CLDND1: variants seen among roughly 807,000 people sequenced by gnomAD.
The protein encoded by CLDND1 is claudin domain containing 1, also known as claudin domain-containing protein 1.
Under a neutral mutation model 26.3 loss-of-function variants are expected in CLDND1, and 13 were observed. That is an observed-to-expected ratio of 0.49 (90% CI 0.32 to 0.78). The LOEUF (loss-of-function observed/expected upper bound fraction) is 0.78, where lower values mean the gene tolerates loss of function less well. CLDND1 is among the 30% of genes least tolerant of loss of function. CLDND1 has a pLI of 0.03. For missense variants in CLDND1, 289 were observed against 312.8 expected, an observed-to-expected ratio of 0.92 and a Z score of 0.57; for synonymous variants, 107 against 107.0, an observed-to-expected ratio of 1.00 and a Z score of 0.00.
At chr3:98,517,246 G>C in intron 3 of CLDND1, 57 bp from the exon 4 acceptor site, 1 of 1,567,616 alleles carries the variant, frequency 6.4e-7, no homozygotes, top group South Asian at 1.2e-5. Flanking sequence ...CATTTTCCCC[G>C]CAATGGCAAT....
intron 1 of CLDND1, chr3:98,521,697 C>A (rs1384734037): frequency 6.2e-7 from 1 of 1,612,898 alleles, no homozygotes. Flanking sequence ...AGTCTATCAC[C>A]TGCATACTAA....
At chr3:98,518,216 C>G (rs1706240414) in intron 3 of CLDND1, among the ~76,000 whole-genome samples, 1 of 152,124 alleles carries the variant, frequency 6.6e-6, no homozygotes, top group Non-Finnish European at 1.5e-5. Context: ...TTCTTTCAAA[C>G]TCTCCTAGTA....
At chr3:98,518,624 T>G in intron 3 of CLDND1, 1 of 393,096 alleles carries the variant, frequency 2.5e-6, no homozygotes, top group Non-Finnish European at 4.6e-6. Context: ...AATGGGCCCA[T>G]TAATAACATC....
chr3:98,516,025 C>A lies in CLDND1; in HGVS notation c.*634G>T. ...TCGCCCGGCTGAACTGGAATTCTTG[C>A]AGTTACAAAGTTAAAATTTCAAGTA... On this transcript the variant is annotated 3_prime_UTR_variant, in exon 5 of 5. Transcript: ENST00000341181. The A allele has an allele frequency of 2.6e-6, 3 of 1,159,364 alleles. No homozygotes were observed. The highest frequency in any genetic ancestry group is 1.6e-5 in the African/African-American group (1 of 62,132). 71.8% of individuals were successfully genotyped at this position (1,159,364 alleles called of 1,614,324 possible).
In CLDND1 at chr3:98,522,834, G is replaced by A. The variant is rs756919523; in HGVS notation, c.-19+15C>T. ...ACGCGACCCCTGCCCGGCGACGCAG[G>A]TCCCGCTCACTCACCGCCCATCCTC... is the stretch of plus-strand genomic sequence containing the variant. On this transcript the variant is annotated intron_variant, in intron 1 of 4. Transcript: ENST00000341181. The A allele has an allele frequency of 3.1e-6, 5 of 1,613,666 alleles. No individual in the cohort carries two copies. The highest frequency in any genetic ancestry group is 4.2e-6 in the Non-Finnish European group (5 of 1,179,762).
intron 3 of CLDND1, among the ~76,000 whole-genome samples, chr3:98,517,845 T>A (rs534825829): frequency 6.6e-6 from 1 of 152,154 alleles, no homozygotes; most frequent in African/African-American, 2.4e-5. Context: ...ACACAGTAAG[T>A]GGTAGAGCCA....
intron 1 of CLDND1, chr3:98,522,012 A>C (rs1342534710): frequency 3.0e-6 from 1 of 329,720 alleles, no homozygotes; most frequent in East Asian, 5.6e-5. Context: ...TAGGTGTATA[A>C]AATAGCAAAG....
At chr3:98,519,185 A>G (rs1342454763) in intron 2 of CLDND1, among the ~76,000 whole-genome samples, 190 bp from the exon 3 acceptor site, 1 of 152,226 alleles carries the variant, frequency 6.6e-6, no homozygotes, top group African/African-American at 2.4e-5. Flanking sequence ...CAGGCTGAAG[A>G]CATAGGCACA....
chr3:98,517,213 G>T (rs1367925165), intron 3 of CLDND1, 24 bp from the exon 4 acceptor site: 1 of 1,605,808 alleles, frequency 6.2e-7, no homozygotes, highest in Non-Finnish European at 8.5e-7. Context: ...AGAGAGAAAA[G>T]AAATGTTACC....
In CLDND1 at chr3:98,521,657, G is replaced by T. The variant is rs151010606; in HGVS notation, c.-18-215C>A. On this transcript the variant is annotated intron_variant, in intron 1 of 4. Transcript: ENST00000341181. ...ACTTATTGAATGCTCACATACCCAGGATGCTACGGAGACAGAGGTCTTGTT... is the reference window on the plus strand; with the variant it reads ...ACTTATTGAATGCTCACATACCCAGTATGCTACGGAGACAGAGGTCTTGTT... 69 of 1,611,392 alleles carry T rather than the reference G, an allele frequency of 4.3e-5. No individual in the cohort carries two copies. The East Asian group carries it at 8.9e-4, about 21-fold the overall frequency.
Position 98,519,009 on chromosome 3 carries a change from A to C in CLDND1, c.293-14T>G. The C allele has an allele frequency of 3.6e-6, 5 of 1,387,108 alleles. No individual in the cohort carries two copies. The highest frequency in any genetic ancestry group is 1.4e-5 in the African/African-American group (1 of 69,602). The allele number at this position is 1,387,108 out of a possible 1,614,324, so 85.9% of individuals were successfully genotyped here. A position where few individuals can be genotyped will look rare whatever the true frequency, so the allele number is the denominator to read the frequency against. On this transcript the variant is annotated splice_polypyrimidine_tract_variant and intron_variant, in intron 2 of 4. Transcript: ENST00000341181. ...CATCAAATGACTCTGGAACAAGAAC[A>C]ATTGCCTGTTGTTTTAATTATAAAC...
In CLDND1 at chr3:98,515,517, G is replaced by C. The variant is rs1706095426; in HGVS notation, c.*1142C>G. 1.4e-5 allele frequency: 11 copies of C among 788,126 alleles called. No homozygotes were observed. The highest frequency in any genetic ancestry group is 1.8e-5 in the Non-Finnish European group (11 of 622,440). The allele number at this position is 788,126 out of a possible 1,614,324, so 48.8% of individuals were successfully genotyped here. ...ATTTTTAATTTTATTTTTTAAAAAAGACATTGAGGTTATGGTAAGAAATTA... is the reference window on the plus strand; with the variant it reads ...ATTTTTAATTTTATTTTTTAAAAAACACATTGAGGTTATGGTAAGAAATTA... On this transcript the variant is annotated 3_prime_UTR_variant, in exon 5 of 5. Coordinates refer to ENST00000341181, the MANE Select transcript of CLDND1 (RefSeq NM_001040181.2).
intron 2 of CLDND1, chr3:98,520,884 T>C: frequency 2.5e-6 from 1 of 406,702 alleles, no homozygotes; most frequent in Non-Finnish European, 4.3e-6. Context: ...AGTGAGTAAA[T>C]AAGAAAAAAA....
Position 98,516,347 on chromosome 3 carries a change from T to G in CLDND1, c.*312A>C. The G allele has an allele frequency of 9.0e-7, 1 of 1,112,236 alleles. No individual in the cohort carries two copies. The highest frequency in any genetic ancestry group is 1.1e-6 in the Non-Finnish European group (1 of 910,050). 68.9% of individuals were successfully genotyped at this position (1,112,236 alleles called of 1,614,324 possible). Reference sequence around the variant, plus strand: ...GTTTTACTGAAAAGTCTAACAGACATTAGCACAACTTGTTTTCGGTCACAT... The same window carrying G: ...GTTTTACTGAAAAGTCTAACAGACAGTAGCACAACTTGTTTTCGGTCACAT... On this transcript the variant is annotated 3_prime_UTR_variant, in exon 5 of 5. Coordinates refer to ENST00000341181, the MANE Select transcript of CLDND1 (RefSeq NM_001040181.2).
chr3:98,522,880 T>G lies in CLDND1; in HGVS notation c.-50A>C. 7 of 1,613,484 alleles carry G rather than the reference T, an allele frequency of 4.3e-6. No individual in the cohort carries two copies. In the Admixed American group the frequency reaches 1.2e-4, roughly 27 times the overall value. On this transcript the variant is annotated 5_prime_UTR_variant, in exon 1 of 5. Coordinates refer to ENST00000341181, the MANE Select transcript of CLDND1 (RefSeq NM_001040181.2). ...TCCTCCTGCTCCGCCAGCTTCACCCTCTAGCTCAGACCACAGCACCCTACT... is the reference window on the plus strand; with the variant it reads ...TCCTCCTGCTCCGCCAGCTTCACCCGCTAGCTCAGACCACAGCACCCTACT...
intron 2 of CLDND1, among the ~76,000 whole-genome samples, chr3:98,519,800 T>C (rs1706324733): frequency 6.6e-6 from 1 of 152,220 alleles, no homozygotes; most frequent in Non-Finnish European, 1.5e-5. Flanking sequence ...ATAGAGCCTT[T>C]GCAGTAGATG....
chr3:98,522,509 A>G lies in CLDND1; in HGVS notation c.-19+340T>C, dbSNP rs1279127699. ...TGGATTTGTATTTTGATTTTTTAAA[A>G]ATCCCCCCTTCATCCTGGTGCTCTC... On this transcript the variant is annotated intron_variant, in intron 1 of 4. Transcript: ENST00000341181. 21 of 1,208,252 alleles carry G rather than the reference A, an allele frequency of 1.7e-5. No homozygotes were observed. In the East Asian group the frequency reaches 7.5e-4, roughly 43 times the overall value. The allele number at this position is 1,208,252 out of a possible 1,614,324, so 74.8% of individuals were successfully genotyped here.
chr3:98,516,636 T>C lies in CLDND1; in HGVS notation c.*23A>G, dbSNP rs1172455826. 6.3e-7 allele frequency: 1 copy of C among 1,588,540 alleles called. No homozygotes were observed. The highest frequency in any genetic ancestry group is 1.7e-4 in the Middle Eastern group (1 of 5,914). ...TATTTTAAAAAAATAAAAATGGCAA[T>C]TGTAAAGCAGGCAGTTTCTTGCTCA... On this transcript the variant is annotated 3_prime_UTR_variant, in exon 5 of 5. Coordinates refer to ENST00000341181, the MANE Select transcript of CLDND1 (RefSeq NM_001040181.2).
At chr3:98,522,773 G>T in intron 1 of CLDND1, 76 bp downstream of exon 1, 2 of 1,611,986 alleles carry the variant, frequency 1.2e-6, no homozygotes, top group Non-Finnish European at 1.7e-6. Flanking sequence ...CCGGGAAGGG[G>T]GCCCCTCTTC....
Sources: gnomAD v4.1 joint callset for allele counts (sites outside exome capture counted in the v4.1 genomes callset) on GRCh38, gnomAD v4.1.1 for gene constraint, MANE v1.5 for transcripts, NCBI Gene and HGNC (gene_info 2026-07-23, HGNC 2026-07-21) for gene names.